Variants in RANBP2 observed in about 807,000 individuals in gnomAD.
RANBP2 encodes RAN binding protein 2, also known as E3 SUMO-protein ligase RanBP2.
In RANBP2, 57 loss-of-function variants were observed where a neutral mutation model predicts 303.6. The ratio of observed to expected loss-of-function variants is 0.19; its 90% confidence interval spans 0.15 to 0.23. The LOEUF is 0.23. RANBP2 is among the 10% of genes least tolerant of loss of function. The pLI is 1.00. For missense variants in RANBP2, 3,138 were observed against 3,780.8 expected (o/e 0.83, Z 4.46); for synonymous variants, 1,167 against 1,301.5 (o/e 0.90, Z 2.23).
At chr2:109,569,570 TTC>T in the RANBP2 span, among the ~76,000 whole-genome samples, 5 of 152,160 alleles carry the variant, frequency 3.3e-5, no homozygotes, top group African/African-American at 7.2e-5. Context: ...GAGAAATTTT[TTC>T]TGTCTATGAA....
the RANBP2 span, among the ~76,000 whole-genome samples, chr2:108,964,555 T>C: frequency 6.6e-6 from 1 of 152,056 alleles, no homozygotes; most frequent in Non-Finnish European, 1.5e-5. Context: ...CAAACCACAG[T>C]CACCAGTGAC....
At chr2:109,729,883 C>T in the RANBP2 span, among the ~76,000 whole-genome samples, 21 of 152,270 alleles carry the variant, frequency 1.4e-4, no homozygotes, top group African/African-American at 5.1e-4. Flanking sequence ...CCTCAGGAAA[C>T]TGACAATCAT....
At chr2:109,408,885 T>C in the RANBP2 span, among the ~76,000 whole-genome samples, 1 of 152,132 alleles carries the variant, frequency 6.6e-6, no homozygotes, top group Non-Finnish European at 1.5e-5. Flanking sequence ...CTTCCTACCA[T>C]CAGAGGCAAC....
chr2:108,869,923 A>G, the RANBP2 span, among the ~76,000 whole-genome samples: 5 of 152,320 alleles, frequency 3.3e-5, no homozygotes, highest in African/African-American at 7.2e-5. Context: ...GGCTCATCCA[A>G]AGGAACAAAA....
the RANBP2 span, among the ~76,000 whole-genome samples, chr2:109,680,209 C>T: frequency 2.0e-5 from 3 of 148,890 alleles, no homozygotes; most frequent in Non-Finnish European, 4.5e-5. Flanking sequence ...AAAAATTAGC[C>T]GGGCATGGTG....
At chr2:109,324,372 T>C in the RANBP2 span, among the ~76,000 whole-genome samples, 3 of 152,298 alleles carry the variant, frequency 2.0e-5, no homozygotes, top group East Asian at 5.8e-4. Flanking sequence ...TGCCAGGCAG[T>C]TGTTCCAAGT....
the RANBP2 span, among the ~76,000 whole-genome samples, chr2:108,983,333 T>G: frequency 3.3e-5 from 5 of 152,310 alleles, no homozygotes; most frequent in South Asian, 1.0e-3. Flanking sequence ...GGATGCTCAG[T>G]GCATTTCCAT....
chr2:109,381,401 C>G, the RANBP2 span, among the ~76,000 whole-genome samples: 5 of 152,166 alleles, frequency 3.3e-5, no homozygotes, highest in Admixed American at 6.5e-5. Flanking sequence ...AACTTTAGCT[C>G]CTCTCTGGGC....
At chr2:109,596,789 C>A in the RANBP2 span, among the ~76,000 whole-genome samples, 1 of 152,062 alleles carries the variant, frequency 6.6e-6, no homozygotes, top group Non-Finnish European at 1.5e-5. Context: ...CTTAAAATCT[C>A]AGTGGATAAA....
chr2:109,197,734 G>T, the RANBP2 span, among the ~76,000 whole-genome samples: 1 of 152,358 alleles, frequency 6.6e-6, no homozygotes, highest in Non-Finnish European at 1.5e-5. Context: ...GAGTAGAAGG[G>T]TGGCCCTGGC....
chr2:109,062,117 C>T, the RANBP2 span, among the ~76,000 whole-genome samples: 7 of 152,242 alleles, frequency 4.6e-5, no homozygotes, highest in African/African-American at 1.7e-4. Flanking sequence ...CTGTTTCTCT[C>T]CCTCTCCCAG....
the RANBP2 span, among the ~76,000 whole-genome samples, chr2:109,688,781 TAAAAAAAAAAAAAAAAA>T: frequency 2.3e-5 from 1 of 43,726 alleles, no homozygotes; most frequent in South Asian, 1.0e-3. Flanking sequence ...TCTGTCTCAA[TAAAAAAAAAAAAAAAAA>T]AAAAAAAAAG....
At chr2:109,406,754 G>T in the RANBP2 span, among the ~76,000 whole-genome samples, 2 of 152,148 alleles carry the variant, frequency 1.3e-5, no homozygotes, top group East Asian at 1.9e-4. Context: ...CTGACTCCTG[G>T]TGTAGAATGT....
the RANBP2 span, among the ~76,000 whole-genome samples, chr2:109,690,013 A>G: frequency 1.3e-5 from 2 of 152,210 alleles, no homozygotes; most frequent in African/African-American, 2.4e-5. Flanking sequence ...CACAAAGATC[A>G]AAGCTCTTTG....
At chr2:109,405,760 C>A in the RANBP2 span, among the ~76,000 whole-genome samples, 11 of 152,242 alleles carry the variant, frequency 7.2e-5, no homozygotes, top group African/African-American at 2.7e-4. Flanking sequence ...TACAGGACTT[C>A]CAGTGTGCCC....
the RANBP2 span, among the ~76,000 whole-genome samples, chr2:108,813,529 C>T: frequency 2.0e-5 from 3 of 152,094 alleles, no homozygotes; most frequent in Non-Finnish European, 4.4e-5. Flanking sequence ...TTTTGACACT[C>T]CACAAGCATT....
chr2:109,358,288 C>G, the RANBP2 span, among the ~76,000 whole-genome samples: 1 of 152,122 alleles, frequency 6.6e-6, no homozygotes, highest in African/African-American at 2.4e-5. Flanking sequence ...GTTTGTTTAT[C>G]CATTCACCTA....
the RANBP2 span, among the ~76,000 whole-genome samples, chr2:109,512,810 C>T: frequency 2.0e-5 from 3 of 152,060 alleles, no homozygotes; most frequent in Non-Finnish European, 4.4e-5. Flanking sequence ...CCTCACATGA[C>T]TCTGACCCTG....
chr2:109,480,610 C>A, the RANBP2 span, among the ~76,000 whole-genome samples: 2 of 152,148 alleles, frequency 1.3e-5, no homozygotes, highest in African/African-American at 4.8e-5. Flanking sequence ...CCATGGGGTG[C>A]TCTCTGCTGC....
Sources: gnomAD v4.1 joint callset for allele counts (sites outside exome capture counted in the v4.1 genomes callset) on GRCh38, gnomAD v4.1.1 for gene constraint, MANE v1.5 for transcripts, NCBI Gene and HGNC (gene_info 2026-07-23, HGNC 2026-07-21) for gene names.